CLN3: variants seen among roughly 807,000 people sequenced by gnomAD.
The protein encoded by CLN3 is battenin.
A neutral mutation model predicts 60.7 loss-of-function variants in CLN3; 49 were observed. That is an observed-to-expected ratio of 0.81 (90% CI 0.64 to 1.02). The LOEUF (loss-of-function observed/expected upper bound fraction) is 1.02. Among genes scored for constraint, CLN3 ranks in the 50% least tolerant of loss-of-function variants. The pLI is 0.00. For missense variants in CLN3, 516 were observed against 557.4 expected (o/e 0.93, Z 0.75); for synonymous variants, 256 against 245.8 (o/e 1.04, Z -0.39).
chr16:28,475,278 C>T (rs1312667010), downstream of CLN3: 2 of 152,214 alleles, frequency 1.3e-5, no homozygotes, highest in Non-Finnish European at 2.9e-5. Context: ...AAAAACAAGG[C>T]CTCCAGTACA....
intron 14 of CLN3, among the ~76,000 whole-genome samples, chr16:28,481,419 C>A (rs1436662306): frequency 2.3e-5 from 2 of 88,806 alleles, no homozygotes; most frequent in African/African-American, 8.3e-5. Context: ...ATGCTTAAAA[C>A]ACACACACAC....
intron 14 of CLN3, among the ~76,000 whole-genome samples, chr16:28,478,830 C>A (rs1176626143): frequency 1.4e-4 from 22 of 152,128 alleles, no homozygotes. Context: ...ACAACCAAAG[C>A]ATGCCTGCAG....
chr16:28,482,799 G>T, intron 10 of CLN3, 127 bp from the exon 11 acceptor site: 1 of 1,015,412 alleles, frequency 9.8e-7, no homozygotes, highest in Non-Finnish European at 1.5e-6. Flanking sequence ...CCACTGGATT[G>T]GACACTTAAA....
chr16:28,474,437 G>A (rs997947710), downstream of CLN3, among the ~76,000 whole-genome samples: 6 of 152,186 alleles, frequency 3.9e-5, no homozygotes, highest in Middle Eastern at 3.4e-3. Flanking sequence ...TCCATCCTGC[G>A]CAACAGAGCG....
At chr16:28,487,283 C>A in intron 7 of CLN3, 173 bp downstream of exon 7, 1 of 691,028 alleles carries the variant, frequency 1.4e-6, no homozygotes, top group South Asian at 1.6e-5. Context: ...TCCTCCACTG[C>A]CTACCCCTCC....
At chr16:28,482,075 G>A in intron 14 of CLN3, 30 bp downstream of exon 14, 1 of 1,564,936 alleles carries the variant, frequency 6.4e-7, no homozygotes, top group Non-Finnish European at 8.8e-7. Context: ...AGCCAAGGTG[G>A]GAGTGAAGTG....
intron 14 of CLN3, 107 bp downstream of exon 14, chr16:28,481,998 A>T (rs1302206879): frequency 2.4e-6 from 2 of 828,946 alleles, no homozygotes; most frequent in Non-Finnish European, 3.8e-6. Flanking sequence ...AAAAAAAAAA[A>T]AAAAATTTAC....
intron 3 of CLN3, 118 bp from the exon 4 acceptor site, chr16:28,489,504 T>C (rs912287118): frequency 1.3e-6 from 1 of 747,730 alleles, no homozygotes; most frequent in African/African-American, 1.7e-5. Context: ...TTTCCCTCTA[T>C]CACCAGATCC....
At chr16:28,469,419 A>G (rs201335626), downstream of CLN3, among the ~76,000 whole-genome samples, 685 of 136,956 alleles carry the variant, frequency 5.0e-3, 3 homozygotes, top group East Asian at 0.068. Context: ...ACCAACATGG[A>G]GAAACCCTAT....
intron 14 of CLN3, among the ~76,000 whole-genome samples, chr16:28,478,916 T>G (rs1250918330): frequency 7.2e-5 from 11 of 152,082 alleles, no homozygotes; most frequent in Non-Finnish European, 1.2e-4. Context: ...TAAAACAAGG[T>G]GGGAGTAGCC....
Position 28,488,634 on chromosome 16 carries a change from T to TG in CLN3, c.250dup (p.His84ProfsTer8). 6.2e-7 allele frequency: 1 copy of TG among 1,614,138 alleles called. No homozygotes were observed. Among genetic ancestry groups the TG allele is most frequent in the Non-Finnish European group, 8.5e-7 (1 of 1,180,008 alleles). On this transcript the variant is annotated frameshift_variant, in exon 5 of 16. Transcript: ENST00000636147. LOFTEE classifies it high-confidence loss of function. ...GCAGTCAAATCGTGATGAGCTGTTG[T>TG]GGGGGATCGGCGTTGGGCCTGGGTC...
the CLN3 span, among the ~76,000 whole-genome samples, chr16:28,468,428 A>T: frequency 6.7e-6 from 1 of 149,832 alleles, no homozygotes; most frequent in African/African-American, 2.4e-5. Context: ...AATCTTTGTC[A>T]TTTGAAGCTC....
At chr16:28,483,709 TTTTC>T (rs2046147411) in intron 10 of CLN3, among the ~76,000 whole-genome samples, 9 of 128,242 alleles carry the variant, frequency 7.0e-5, no homozygotes, top group Non-Finnish European at 1.3e-4. Flanking sequence ...CCTTCCTTTC[TTTTC>T]TTTTTTTTTT....
chr16:28,488,911 C>G (rs995232989), intron 4 of CLN3, among the ~76,000 whole-genome samples: 1 of 151,852 alleles, frequency 6.6e-6, no homozygotes, highest in African/African-American at 2.4e-5. Flanking sequence ...CAAGAGCTTT[C>G]TTTTTTTTGA....
chr16:28,491,968 C>A lies in CLN3; in HGVS notation c.-77+52G>T, dbSNP rs1356377882. On this transcript the variant is annotated intron_variant, in intron 1 of 15. Coordinates refer to ENST00000636147, the MANE Select transcript of CLN3 (RefSeq NM_001042432.2). ...GCGCCCTACGACCCACCACGCCCCA[C>A]CCATCGTACTCTCCCCCGCCCCGTC... 9.2e-6 allele frequency: 6 copies of A among 650,004 alleles called. No individual in the cohort carries two copies. The Admixed American group carries it at 1.2e-4, about 13-fold the overall frequency. The allele number at this position is 650,004 out of a possible 1,614,324, so 40.3% of individuals were successfully genotyped here. A position where few individuals can be genotyped will look rare whatever the true frequency, so the allele number is the denominator to read the frequency against.
At position 28,487,483 on chromosome 16, in the gene CLN3, A is replaced by G. The variant is rs780814580; in HGVS notation, c.433T>C (p.Ser145Pro). 2.5e-6 allele frequency: 4 copies of G among 1,613,976 alleles called. No individual in the cohort carries two copies. The highest frequency in any genetic ancestry group is 3.4e-6 in the Non-Finnish European group (4 of 1,179,926). ...CACAGGCTGGTCCCCACAGAATGAGAAAAGGCAACCAGGACGAAGCTTCCA... is the reference window on the plus strand; with the variant it reads ...CACAGGCTGGTCCCCACAGAATGAGGAAAGGCAACCAGGACGAAGCTTCCA... ...AAGSFVLVAFSHSVGTSLCGV... is the reference protein window; with the variant it reads ...AAGSFVLVAFPHSVGTSLCGV... The change falls in exon 7 of 16, where the codon TCT (serine) becomes CCT (proline). Residue 145 changes from serine to proline, a missense_variant. Physicochemically the swap from Ser to Pro is moderately conservative, Grantham distance 74. Transcript: ENST00000636147.
chr16:28,490,793 G>C (rs2046302480), intron 3 of CLN3, among the ~76,000 whole-genome samples: 1 of 150,726 alleles, frequency 6.6e-6, no homozygotes, highest in Non-Finnish European at 1.5e-5. Flanking sequence ...TTCAGGCCCG[G>C]CATGGTGGCT....
At chr16:28,481,458 A>ACACG (rs1555468021) in intron 14 of CLN3, among the ~76,000 whole-genome samples, 2,223 of 128,748 alleles carry the variant, frequency 0.017, 25 homozygotes, top group Middle Eastern at 0.026. Context: ...ACACACGCAC[A>ACACG]CACACACACA....
At chr16:28,477,162 CAAA>C, downstream of CLN3, 1 of 330,446 alleles carries the variant, frequency 3.0e-6, no homozygotes, top group Non-Finnish European at 5.8e-6. Context: ...AACAAACAAA[CAAA>C]AAAGGGAGAA....
Sources: allele counts gnomAD v4.1 joint callset (sites outside exome capture counted in the v4.1 genomes callset), GRCh38; gene constraint gnomAD v4.1.1; transcripts MANE v1.5; gene names NCBI Gene and HGNC (gene_info 2026-07-23, HGNC 2026-07-21).